Variants in CTNNA2 observed in about 807,000 individuals in gnomAD.
The protein encoded by CTNNA2 is catenin alpha-2.
In CTNNA2, 42 loss-of-function variants were observed where a neutral mutation model predicts 101.0. The observed-to-expected ratio is 0.42, with a 90% CI of 0.32 to 0.54. The LOEUF (loss-of-function observed/expected upper bound fraction) is 0.54, where lower values mean the gene tolerates loss of function less well. Among genes scored for constraint, CTNNA2 ranks in the 20% least tolerant of loss-of-function variants. The pLI, the probability that CTNNA2 is intolerant of heterozygous loss-of-function variation, is 0.14. For missense variants in CTNNA2, 871 were observed against 1,223.1 expected (o/e 0.71, Z 4.29); for synonymous variants, 450 against 456.4 (o/e 0.99, Z 0.18).
chr2:80,264,465 A>G (rs1672854070), intron 7 of CTNNA2, among the ~76,000 whole-genome samples: 1 of 152,106 alleles, frequency 6.6e-6, no homozygotes, highest in South Asian at 2.1e-4. Context: ...TTTCATGCCC[A>G]ATATTCATAT....
intron 1 of CTNNA2, among the ~76,000 whole-genome samples, chr2:79,622,117 C>T (rs191888530): frequency 1.1e-4 from 16 of 152,134 alleles, no homozygotes; most frequent in Admixed American, 2.0e-4. Context: ...GTTAAAACAA[C>T]AAACAAAAAT....
At chr2:79,187,735 C>G (rs1199676762) in intron 1 of CTNNA2, among the ~76,000 whole-genome samples, 1 of 152,118 alleles carries the variant, frequency 6.6e-6, no homozygotes, top group Non-Finnish European at 1.5e-5. Flanking sequence ...GCAGTATGAA[C>G]TGCTAAATAT....
intron 3 of CTNNA2, among the ~76,000 whole-genome samples, chr2:79,803,610 C>G (rs1321280455): frequency 1.3e-5 from 2 of 152,218 alleles, no homozygotes; most frequent in Admixed American, 6.5e-5. Context: ...GCCCTCATTC[C>G]CATAAACCCA....
intron 3 of CTNNA2, among the ~76,000 whole-genome samples, chr2:79,775,300 TTCTC>T (rs926461405): frequency 1.4e-4 from 22 of 152,204 alleles, no homozygotes; most frequent in African/African-American, 3.6e-4. Flanking sequence ...ATTTTTAATT[TTCTC>T]TCTATTTTTA....
intron 7 of CTNNA2, among the ~76,000 whole-genome samples, chr2:80,025,160 G>C (rs1324657152): frequency 6.6e-6 from 1 of 152,190 alleles, no homozygotes; most frequent in Non-Finnish European, 1.5e-5. Context: ...AGTGGAGCTT[G>C]GGGTTTTTAT....
intron 2 of CTNNA2, among the ~76,000 whole-genome samples, chr2:79,289,113 CT>C (rs1006026722): frequency 5.3e-5 from 8 of 152,160 alleles, no homozygotes; most frequent in Non-Finnish European, 7.3e-5. Flanking sequence ...CTGAGAGAAT[CT>C]ATTTTCTTCC....
intron 7 of CTNNA2, among the ~76,000 whole-genome samples, chr2:79,996,867 G>A (rs1692579659): frequency 1.3e-5 from 2 of 152,124 alleles, no homozygotes. Context: ...CCATGGGGAA[G>A]ACACTGGCCA....
At chr2:80,015,884 AAG>A (rs1414995910) in intron 7 of CTNNA2, among the ~76,000 whole-genome samples, 2 of 152,190 alleles carry the variant, frequency 1.3e-5, no homozygotes, top group Admixed American at 6.5e-5. Context: ...GTAAGGAGGA[AAG>A]AGAGATGTAA....
At chr2:79,704,125 A>AT (rs1212091344) in intron 2 of CTNNA2, among the ~76,000 whole-genome samples, 10 of 152,196 alleles carry the variant, frequency 6.6e-5, no homozygotes, top group African/African-American at 2.4e-4. Context: ...TCATCATTGT[A>AT]TTTTTAGCCT....
At chr2:79,915,128 A>G (rs933635095) in intron 7 of CTNNA2, among the ~76,000 whole-genome samples, 2 of 152,128 alleles carry the variant, frequency 1.3e-5, no homozygotes, top group Non-Finnish European at 2.9e-5. Flanking sequence ...CGAGATCTCT[A>G]AGAATGTGGC....
intron 9 of CTNNA2, among the ~76,000 whole-genome samples, chr2:80,482,891 A>G (rs1686258055): frequency 1.3e-5 from 2 of 152,230 alleles, no homozygotes; most frequent in South Asian, 4.2e-4. Context: ...AATACTCACC[A>G]TTCCCTGGTG....
At chr2:79,775,762 G>GT (rs1433333902) in intron 3 of CTNNA2, among the ~76,000 whole-genome samples, 7 of 152,102 alleles carry the variant, frequency 4.6e-5, no homozygotes, top group Non-Finnish European at 1.0e-4. Flanking sequence ...TTTTTGGTAG[G>GT]TGTTGCATAG....
At chr2:80,619,586 G>A (rs1045609854) in intron 18 of CTNNA2, among the ~76,000 whole-genome samples, 19 of 151,862 alleles carry the variant, frequency 1.3e-4, no homozygotes, top group African/African-American at 3.9e-4. Context: ...TTCTTTGTTT[G>A]GAAGATTTCA....
chr2:79,786,097 C>T (rs1674820829), intron 3 of CTNNA2, among the ~76,000 whole-genome samples: 1 of 152,076 alleles, frequency 6.6e-6, no homozygotes, highest in Non-Finnish European at 1.5e-5. Context: ...TCCCATTTCC[C>T]ATGTTGAAAT....
At chr2:80,408,360 C>T (rs1317674532) in intron 8 of CTNNA2, among the ~76,000 whole-genome samples, 2 of 152,226 alleles carry the variant, frequency 1.3e-5, no homozygotes, top group South Asian at 2.1e-4. Context: ...TTTGAGAGCT[C>T]GTCTCTATAT....
At chr2:79,635,226 T>TCC in intron 1 of CTNNA2, among the ~76,000 whole-genome samples, 1 of 151,958 alleles carries the variant, frequency 6.6e-6, no homozygotes. Flanking sequence ...GGAAAGGAAT[T>TCC]CGAGACCATC....
intron 2 of CTNNA2, among the ~76,000 whole-genome samples, chr2:79,244,501 A>C (rs775182171): frequency 2.0e-5 from 3 of 152,168 alleles, no homozygotes; most frequent in Non-Finnish European, 2.9e-5. Context: ...AGTTTGTGTA[A>C]ATTCATGCTG....
intron 2 of CTNNA2, among the ~76,000 whole-genome samples, chr2:79,274,620 A>T (rs1675166859): frequency 6.6e-6 from 1 of 152,054 alleles, no homozygotes; most frequent in Admixed American, 6.6e-5. Context: ...ATAAAATATG[A>T]AACAATATAC....
intron 2 of CTNNA2, among the ~76,000 whole-genome samples, chr2:79,249,543 C>T (rs557067521): frequency 4.6e-5 from 7 of 152,172 alleles, no homozygotes; most frequent in African/African-American, 1.4e-4. Context: ...ATGGGAACTC[C>T]TGAATGTATC....
Sources: gnomAD v4.1 joint callset for allele counts (sites outside exome capture counted in the v4.1 genomes callset) on GRCh38, gnomAD v4.1.1 for gene constraint, MANE v1.5 for transcripts, NCBI Gene and HGNC (gene_info 2026-07-23, HGNC 2026-07-21) for gene names.